The following CSMD1 variants were observed in gnomAD, a reference collection of about 807,000 sequenced individuals.
The protein encoded by CSMD1 is CUB and Sushi multiple domains 1, also known as CUB and sushi domain-containing protein 1.
In CSMD1, 213 loss-of-function variants were observed where a neutral mutation model predicts 417.5. The ratio of observed to expected loss-of-function variants is 0.51; its 90% CI spans 0.46 to 0.57. The LOEUF is 0.57. CSMD1 is among the 20% of genes least tolerant of loss of function. CSMD1 has a pLI of 0.00. For missense variants in CSMD1, 6,923 were observed against 4,529.7 expected (o/e 1.53, Z -15.17); for synonymous variants, 2,862 against 1,736.8 (o/e 1.65, Z -16.11).
chr8:4,447,912 G>C (rs779044655), intron 2 of CSMD1, among the ~76,000 whole-genome samples: 1 of 150,662 alleles, frequency 6.6e-6, no homozygotes, highest in East Asian at 1.9e-4. Context: ...CTCATCTTTC[G>C]GAAATGACGA....
chr8:4,172,846 G>A (rs896586714), intron 3 of CSMD1, among the ~76,000 whole-genome samples: 1 of 152,110 alleles, frequency 6.6e-6, no homozygotes, highest in Non-Finnish European at 1.5e-5. Context: ...ACTGAGGGCT[G>A]TCCACAGCCG....
At chr8:4,679,513 G>A (rs865779545) in intron 1 of CSMD1, among the ~76,000 whole-genome samples, 9 of 152,154 alleles carry the variant, frequency 5.9e-5, no homozygotes, top group East Asian at 1.9e-4. Flanking sequence ...TCTAGACTTC[G>A]CTTCTGGCAT....
chr8:4,810,531 G>C (rs1295754442), intron 1 of CSMD1, among the ~76,000 whole-genome samples: 1 of 152,142 alleles, frequency 6.6e-6, no homozygotes, highest in Non-Finnish European at 1.5e-5. Flanking sequence ...ATACACGTGT[G>C]TGTGTGTGTG....
intron 1 of CSMD1, among the ~76,000 whole-genome samples, chr8:4,772,009 C>T (rs959993844): frequency 6.6e-5 from 10 of 152,310 alleles, no homozygotes; most frequent in Middle Eastern, 3.4e-3. Context: ...TCTCGTTTCA[C>T]TGCTCTGCAG....
intron 49 of CSMD1, among the ~76,000 whole-genome samples, chr8:3,071,380 T>C (rs1192304159): frequency 6.6e-6 from 1 of 151,970 alleles, no homozygotes. Context: ...AGGGAGAGCA[T>C]TAGGACAAAT....
intron 1 of CSMD1, among the ~76,000 whole-genome samples, chr8:4,951,587 A>G (rs1179557929): frequency 7.3e-6 from 1 of 137,334 alleles, no homozygotes; most frequent in African/African-American, 2.5e-5. Context: ...AGAAGCAAAA[A>G]AAAAAGAAAA....
chr8:3,997,985 T>C lies in CSMD1; in HGVS notation c.736A>G (p.Ile246Val), dbSNP rs372517770. 8 of 1,610,946 alleles carry C rather than the reference T, an allele frequency of 5.0e-6. No homozygotes were observed. Among genetic ancestry groups the C allele is most frequent in the Non-Finnish European group, 6.8e-6 (8 of 1,178,542 alleles). Residue 246 changes from isoleucine (I) to valine (V), a missense_variant, in exon 5 of 70, where the codon ATT becomes GTT. Ile to Val is a conservative substitution (Grantham distance 29, BLOSUM62 3). Transcript: ENST00000635120. ...WTILAEPGDT[I>V]ALVFTDFQLE... ...TGAAAGTCAGTGAAGACCAGCGCAA[T>C]GGTGTCCCCGGGCTCAGCCAGAATG...
In CSMD1 at chr8:3,343,410, G is replaced by A. The variant is rs764064241; in HGVS notation, c.3515C>T (p.Thr1172Met). The A allele has an allele frequency of 1.0e-4, 161 of 1,613,628 alleles. No individual in the cohort carries two copies. The highest frequency in any genetic ancestry group is 1.6e-4 in the Middle Eastern group (1 of 6,082). ...GKDSSSRPLG[T>M]FTKNELLGLI... ...CCCCAGAAGTTCATTTTTAGTGAAC[G>A]TGCCCAGTGGACGTGAGGAACTGTC... The change falls in exon 23 of 70, where the codon ACG (threonine) becomes ATG (methionine). Residue 1172 changes from threonine (T) to methionine (M), a missense_variant. Coordinates refer to ENST00000635120, the MANE Select transcript of CSMD1 (RefSeq NM_033225.6).
At chr8:4,732,346 T>TGTGC (rs1554461229) in intron 1 of CSMD1, among the ~76,000 whole-genome samples, 1 of 143,228 alleles carries the variant, frequency 7.0e-6, no homozygotes, top group Non-Finnish European at 1.5e-5. Context: ...TTCTTCTGCG[T>TGTGC]GTGTGTGTGT....
intron 3 of CSMD1, among the ~76,000 whole-genome samples, chr8:4,103,785 A>G (rs1414436498): frequency 1.3e-5 from 2 of 152,202 alleles, no homozygotes; most frequent in African/African-American, 2.4e-5. Context: ...ACCTGCTTCA[A>G]AACAGAATGA....
chr8:4,884,161 TA>T (rs1279000483), intron 1 of CSMD1, among the ~76,000 whole-genome samples: 10 of 152,062 alleles, frequency 6.6e-5, no homozygotes, highest in Non-Finnish European at 1.5e-5. Flanking sequence ...TTGCTTCTTT[TA>T]AAAAATTTGG....
intron 6 of CSMD1, among the ~76,000 whole-genome samples, chr8:3,709,680 G>GGCTTTT (rs1554518393): frequency 5.0e-4 from 17 of 33,700 alleles, no homozygotes; most frequent in African/African-American, 1.7e-3. Flanking sequence ...GCAGCAGCAT[G>GGCTTTT]TTTTTTTTTT....
intron 2 of CSMD1, among the ~76,000 whole-genome samples, chr8:4,624,248 T>G (rs1260014610): frequency 6.6e-6 from 1 of 152,106 alleles, no homozygotes; most frequent in Non-Finnish European, 1.5e-5. Flanking sequence ...ACACTTCCGG[T>G]AGATCAAACC....
At chr8:3,485,409 G>A (rs1207782418) in intron 11 of CSMD1, among the ~76,000 whole-genome samples, 3 of 151,956 alleles carry the variant, frequency 2.0e-5, no homozygotes, top group Non-Finnish European at 2.9e-5. Context: ...CAGGGAGTTG[G>A]CTATGATTAT....
At chr8:4,268,332 T>C (rs1449995016) in intron 3 of CSMD1, among the ~76,000 whole-genome samples, 1 of 152,124 alleles carries the variant, frequency 6.6e-6, no homozygotes, top group Non-Finnish European at 1.5e-5. Context: ...TGAATATTAA[T>C]TAGATTCTTT....
intron 1 of CSMD1, among the ~76,000 whole-genome samples, chr8:4,852,933 C>A (rs181109504): frequency 9.9e-5 from 15 of 152,106 alleles, no homozygotes; most frequent in African/African-American, 3.6e-4. Flanking sequence ...GGGTACATGG[C>A]AGAAGGAATT....
At chr8:3,242,987 G>A (rs746812523) in intron 26 of CSMD1, among the ~76,000 whole-genome samples, 25 of 152,228 alleles carry the variant, frequency 1.6e-4, no homozygotes, top group African/African-American at 5.3e-4. Context: ...GCTGCCTTCC[G>A]TAGTCCGTGA....
chr8:4,145,998 T>C lies in CSMD1; in HGVS notation c.416-113899A>G, dbSNP rs994066897. ...TAGACAGGGTGCAAATTTTGTACCCTGCACTAACTAGGTATTCAAAAAAAA... is the reference window on the plus strand; with the variant it reads ...TAGACAGGGTGCAAATTTTGTACCCCGCACTAACTAGGTATTCAAAAAAAA... On this transcript the variant is annotated intron_variant, in intron 3 of 69. Coordinates refer to ENST00000635120, the MANE Select transcript of CSMD1 (RefSeq NM_033225.6). Among the ~76,000 whole-genome samples, 7 of 151,068 alleles carry C rather than the reference T, an allele frequency of 4.6e-5. No homozygotes were observed. In the East Asian group the frequency reaches 1.4e-3, roughly 29 times the overall value.
At chr8:4,523,984 C>A (rs1803632864) in intron 2 of CSMD1, among the ~76,000 whole-genome samples, 1 of 152,060 alleles carries the variant, frequency 6.6e-6, no homozygotes. Flanking sequence ...ACGCTCTCCT[C>A]AAATGGGTCC....
Sources: gnomAD v4.1 joint callset for allele counts (sites outside exome capture counted in the v4.1 genomes callset) on GRCh38, gnomAD v4.1.1 for gene constraint, MANE v1.5 for transcripts, NCBI Gene and HGNC (gene_info 2026-07-23, HGNC 2026-07-21) for gene names.